Variants in USH2A observed in about 807,000 individuals in gnomAD.
USH2A encodes usherin, also known as Usher syndrome 2A (autosomal recessive, mild).
A neutral mutation model predicts 538.9 loss-of-function variants in USH2A; 443 were observed. The observed-to-expected ratio is 0.82, with a 90% CI of 0.76 to 0.89. The LOEUF (loss-of-function observed/expected upper bound fraction) is 0.89. Ranked by LOEUF, USH2A falls within the 40% of genes least tolerant of loss-of-function variation. The pLI is 0.00. For missense variants in USH2A, 6,633 were observed against 6,324.8 expected (o/e 1.05, Z -1.65); for synonymous variants, 2,413 against 2,273.5 (o/e 1.06, Z -1.75).
intron 22 of USH2A, among the ~76,000 whole-genome samples, chr1:216,095,396 T>A (rs996664467): frequency 6.6e-6 from 1 of 152,236 alleles, no homozygotes; most frequent in Non-Finnish European, 1.5e-5. Flanking sequence ...TCTTCCATTA[T>A]GTAATTGAAT....
chr1:216,032,467 C>A (rs1445015464), intron 32 of USH2A, among the ~76,000 whole-genome samples: 2 of 152,074 alleles, frequency 1.3e-5, no homozygotes, highest in Non-Finnish European at 2.9e-5. Context: ...TGCTTCTGAA[C>A]CTGTGGTAGG....
At chr1:215,641,446 T>C (rs1196684007) in intron 67 of USH2A, among the ~76,000 whole-genome samples, 1 of 152,210 alleles carries the variant, frequency 6.6e-6, no homozygotes, top group African/African-American at 2.4e-5. Context: ...CAACTTTGTG[T>C]GCATTTCACA....
At chr1:216,120,113 A>G (rs1330365654) in intron 21 of USH2A, among the ~76,000 whole-genome samples, 2 of 150,900 alleles carry the variant, frequency 1.3e-5, no homozygotes, top group Non-Finnish European at 2.9e-5. Flanking sequence ...TTAAAATGCA[A>G]GTTTTGTTTG....
Position 216,073,185 on chromosome 1 carries a change from A to T in USH2A, c.5688T>A (p.Ser1896Arg), listed in dbSNP as rs777935308. 6.2e-7 allele frequency: 1 copy of T among 1,613,870 alleles called. No homozygotes were observed. The highest frequency in any genetic ancestry group is 1.7e-5 in the Admixed American group (1 of 59,918). Residue 1896 changes from serine (S) to arginine (R), a missense_variant, in exon 28 of 72, where the codon AGT becomes AGA. By Grantham distance (110) the Ser-to-Arg change is moderately radical. Coordinates refer to ENST00000307340, the MANE Select transcript of USH2A (RefSeq NM_206933.4). ...AGTCATTTCCCCTGCAGTTAACAGC[A>T]CTGTCAGTTGATAGGCATCCATCCA... ...VNLDGCLSTD[S>R]AVNCRGNDSI...
In USH2A at chr1:216,285,257, C is replaced by T. The variant is rs141229468; in HGVS notation, c.1971+4023G>A. Among the ~76,000 whole-genome samples the T allele has an allele frequency of 4.9e-3, 753 of 152,306 alleles. 7 individuals carry two copies. Among genetic ancestry groups the T allele is most frequent in the African/African-American group, 0.018 (734 of 41,572 alleles). ...CCAGGGCCCCCCCACTGTGTGCAGTCTAGGGACTTGGTGCCGTGTCCCAAC... is the reference window on the plus strand; with the variant it reads ...CCAGGGCCCCCCCACTGTGTGCAGTTTAGGGACTTGGTGCCGTGTCCCAAC... On this transcript the variant is annotated intron_variant, in intron 11 of 71. Transcript: ENST00000307340.
At chr1:216,058,262 G>A (rs116416423) in intron 30 of USH2A, among the ~76,000 whole-genome samples, 8 of 148,748 alleles carry the variant, frequency 5.4e-5, no homozygotes, top group African/African-American at 2.0e-4. Flanking sequence ...ATTATTTTAG[G>A]TTCTCAGTAT....
chr1:215,644,699 C>T (rs1303733279), intron 67 of USH2A, among the ~76,000 whole-genome samples: 1 of 152,118 alleles, frequency 6.6e-6, no homozygotes, highest in East Asian at 1.9e-4. Context: ...AGAAACATGC[C>T]TTCTGGATAT....
chr1:215,861,813 G>T (rs1664321519), intron 44 of USH2A, among the ~76,000 whole-genome samples: 1 of 149,664 alleles, frequency 6.7e-6, no homozygotes, highest in Non-Finnish European at 1.5e-5. Flanking sequence ...GAGAATGGAT[G>T]CCATGCAATA....
At chr1:216,416,322 G>C (rs1457223811) in intron 3 of USH2A, among the ~76,000 whole-genome samples, 3 of 151,992 alleles carry the variant, frequency 2.0e-5, no homozygotes, top group African/African-American at 7.2e-5. Context: ...TTCCCATAAT[G>C]CTGCATACCC....
intron 64 of USH2A, among the ~76,000 whole-genome samples, chr1:215,659,298 A>G (rs772658190): frequency 1.3e-4 from 20 of 152,214 alleles, no homozygotes; most frequent in Non-Finnish European, 2.2e-4. Flanking sequence ...GGAAAAGAAA[A>G]GCATGTGCAA....
chr1:216,108,118 G>C (rs1355250675), intron 21 of USH2A, among the ~76,000 whole-genome samples: 1 of 151,008 alleles, frequency 6.6e-6, no homozygotes, highest in East Asian at 1.9e-4. Flanking sequence ...GTTATTATTG[G>C]TATTTTTAGC....
At chr1:215,759,041 T>A (rs1472352605) in intron 57 of USH2A, among the ~76,000 whole-genome samples, 5 of 152,232 alleles carry the variant, frequency 3.3e-5, no homozygotes, top group Non-Finnish European at 7.3e-5. Flanking sequence ...TGTGGAGGAT[T>A]CAAATTAATC....
At chr1:216,185,777 A>T (rs1179587266) in intron 20 of USH2A, among the ~76,000 whole-genome samples, 1 of 151,954 alleles carries the variant, frequency 6.6e-6, no homozygotes, top group East Asian at 1.9e-4. Flanking sequence ...TATTTCTATG[A>T]TTTAATGTCT....
intron 51 of USH2A, among the ~76,000 whole-genome samples, chr1:215,789,255 T>C (rs755051833): frequency 6.6e-6 from 1 of 152,198 alleles, no homozygotes; most frequent in Non-Finnish European, 1.5e-5. Flanking sequence ...CTTCTAACAA[T>C]CTCATGAGTT....
rs1043593295 is a variant in USH2A at position 215,775,821 on chromosome 1, T to A, written c.10939+4022A>T. 6.6e-5 allele frequency among the ~76,000 whole-genome samples: 10 copies of A among 152,242 alleles called. No individual in the cohort carries two copies. In the South Asian group the frequency reaches 8.3e-4, roughly 13 times the overall value. On this transcript the variant is annotated intron_variant, in intron 55 of 71. Coordinates refer to ENST00000307340, the MANE Select transcript of USH2A (RefSeq NM_206933.4). ...GGTTTGTTCTATTTAGCACACAAAG[T>A]TTTCATTAACTTCTAGGAAGATGAG...
intron 61 of USH2A, among the ~76,000 whole-genome samples, chr1:215,699,975 C>T (rs1361797421): frequency 5.3e-5 from 8 of 152,124 alleles, no homozygotes; most frequent in African/African-American, 1.9e-4. Context: ...TTTTGAGATA[C>T]ATTCCATCAA....
intron 64 of USH2A, among the ~76,000 whole-genome samples, chr1:215,666,620 A>AC (rs1456628412): frequency 1.3e-5 from 2 of 152,172 alleles, no homozygotes; most frequent in African/African-American, 4.8e-5. Flanking sequence ...GGGTATCAGC[A>AC]CCCAGAATGT....
intron 27 of USH2A, among the ~76,000 whole-genome samples, chr1:216,077,307 T>C (rs572339427): frequency 6.6e-6 from 1 of 152,200 alleles, no homozygotes; most frequent in African/African-American, 2.4e-5. Context: ...CTTTCTCTTA[T>C]AGTTATTAAT....
intron 35 of USH2A, among the ~76,000 whole-genome samples, chr1:215,980,885 G>A (rs1047260224): frequency 6.6e-6 from 1 of 151,942 alleles, no homozygotes; most frequent in Non-Finnish European, 1.5e-5. Flanking sequence ...TTTATACTTT[G>A]GCTATGACAT....
Sources: gnomAD v4.1 joint callset for allele counts (sites outside exome capture counted in the v4.1 genomes callset) on GRCh38, gnomAD v4.1.1 for gene constraint, MANE v1.5 for transcripts, NCBI Gene and HGNC (gene_info 2026-07-23, HGNC 2026-07-21) for gene names.